The following LAGE3 variants were observed in gnomAD, a reference collection of about 807,000 sequenced individuals.
LAGE3 encodes the protein L antigen family member 3.
In LAGE3, 2 loss-of-function variants were observed where a neutral mutation model predicts 4.4. That is an observed-to-expected ratio of 0.46 (90% CI 0.19 to 1.44). The LOEUF (loss-of-function observed/expected upper bound fraction) is 1.44, where lower values mean the gene tolerates loss of function less well. Among genes scored for constraint, LAGE3 ranks in the 40% most tolerant of loss-of-function variants. The probability of loss-of-function intolerance (pLI) is 0.26; values close to 1 mark genes in which losing one functional copy is unlikely to be tolerated. For missense variants in LAGE3, 152 were observed against 138.1 expected (o/e 1.10, Z -0.51); for synonymous variants, 79 against 60.0 (o/e 1.32, Z -1.47).
In LAGE3 at chrX:154,479,257, C is replaced by G. The variant is rs1557211563; in HGVS notation, c.-342G>C. ...GGGCTTTTGAAGACACCGTGGTCGC[C>G]TATCCCAGAGGCGCACCCCGCGAGG... is the stretch of plus-strand genomic sequence containing the variant. On this transcript the variant is annotated 5_prime_UTR_variant, in exon 1 of 3. Coordinates refer to ENST00000357360, the MANE Select transcript of LAGE3 (RefSeq NM_006014.5). 5.0e-6 allele frequency: 1 copy of G among 199,416 alleles called. No individual in the cohort carries two copies. Among genetic ancestry groups the G allele is most frequent in the East Asian group, 8.6e-5 (1 of 11,581 alleles). 16.4% of individuals were successfully genotyped at this position (199,416 alleles called of 1,213,427 possible).
At position 154,478,746 on chromosome X, in the gene LAGE3, C is replaced by A; in HGVS notation, c.170G>T (p.Arg57Leu). Residue 57 changes from arginine to leucine, a missense_variant, in exon 1 of 3, where the codon CGA (arginine) becomes CTA (leucine). Arg to Leu is a moderately radical substitution (Grantham distance 102). Coordinates refer to ENST00000357360, the MANE Select transcript of LAGE3 (RefSeq NM_006014.5). Reference protein sequence around the residue: ...RDAASAARGSRMRPHIFTLSV... With the variant: ...RDAASAARGSLMRPHIFTLSV... ...AGGATACAATATGTGCGGCCGCATT[C>A]GTGACCCCCTGGCCGCAGACGCGGC... The A allele has an allele frequency of 9.1e-7, 1 of 1,099,556 alleles. No individual in the cohort carries two copies. Among genetic ancestry groups the A allele is most frequent in the Non-Finnish European group, 1.2e-6 (1 of 850,192 alleles). 90.6% of individuals were successfully genotyped at this position (1,099,556 alleles called of 1,213,427 possible). A position where few individuals can be genotyped will look rare whatever the true frequency, so the allele number is the denominator to read the frequency against.
Position 154,478,856 on chromosome X carries a change from G to A in LAGE3, c.60C>T (p.Gly20=). Residue 20 remains glycine (G), a synonymous_variant, in exon 1 of 3, where the codon GGC becomes GGT. Transcript: ENST00000357360. ...TGTCCACGCCCCCGCGGCAGCTGTG[G>A]CCACCCCGGCCATCCCCGCCGTCAG... ...GGADGGDGRG[G]HSCRGGVDTA... is the part of the protein sequence containing the mutation. 2.9e-6 allele frequency: 3 copies of A among 1,024,450 alleles called. No individual in the cohort carries two copies. The highest frequency in any genetic ancestry group is 5.1e-5 in the Admixed American group (1 of 19,608). 84.4% of individuals were successfully genotyped at this position (1,024,450 alleles called of 1,213,427 possible).
rs190210772 is a variant in LAGE3, at chrX:154,477,985, C to T, written c.391G>A (p.Val131Met). The T allele has an allele frequency of 2.2e-4, 270 of 1,210,988 alleles. 1 individual carries two copies. The East Asian group carries it at 5.6e-3, about 25-fold the overall frequency. ...INFLDQLSLV[V>M]RTMQRFGPPV... is the part of the protein sequence containing the mutation. ...GGCCCAAAGCGCTGCATGGTCCGCA[C>T]CACCAGGGAAAGCTGGTCAAGAAAG... is the stretch of plus-strand genomic sequence containing the variant. Residue 131 changes from valine (V) to methionine (M), a missense_variant, in exon 3 of 3, where the codon GTG becomes ATG. Physicochemically the swap from Val to Met is conservative, Grantham distance 21. Transcript: ENST00000357360.
Position 154,477,945 on chromosome X carries a change from T to C in LAGE3, c.431A>G (p.Ter144=), listed in dbSNP as rs782596808. 7 of 1,207,922 alleles carry C rather than the reference T, an allele frequency of 5.8e-6. No individual in the cohort carries two copies. The Admixed American group carries it at 1.3e-4, about 23-fold the overall frequency. ...TCGCTCCATTTGCCCAGGCCAGGCTTAGCGGGAAACGGGGGGCCCAAAGCG... is the reference window on the plus strand; with the variant it reads ...TCGCTCCATTTGCCCAGGCCAGGCTCAGCGGGAAACGGGGGGCCCAAAGCG... ...MQRFGPPVSR[*] The change falls in exon 3 of 3, where the codon TAA becomes TGA. Residue 144 remains the stop codon, a stop_retained_variant. Transcript: ENST00000357360.
Position 154,478,935 on chromosome X carries a change from C to G in LAGE3, c.-20G>C. ...CCGCATGACCGCCGCCGCGCCGCTCCGACTCCACCCCCGAAGCGCAGGTCC... is the reference window on the plus strand; with the variant it reads ...CCGCATGACCGCCGCCGCGCCGCTCGGACTCCACCCCCGAAGCGCAGGTCC... On this transcript the variant is annotated 5_prime_UTR_variant, in exon 1 of 3. Coordinates refer to ENST00000357360, the MANE Select transcript of LAGE3 (RefSeq NM_006014.5). The G allele has an allele frequency of 1.2e-6, 1 of 843,692 alleles. No individual in the cohort carries two copies. Among genetic ancestry groups the G allele is most frequent in the Admixed American group, 5.7e-5 (1 of 17,461 alleles). The allele number at this position is 843,692 out of a possible 1,213,427, so 69.5% of individuals were successfully genotyped here.
chrX:154,478,486 C>T, intron 1 of LAGE3, 75 bp from the exon 2 acceptor site: 1 of 1,112,618 alleles, frequency 9.0e-7, no homozygotes, highest in Non-Finnish European at 1.2e-6. Flanking sequence ...CCTCTGAAGC[C>T]CCCTCTCAGG....
rs1557211329 is a variant in LAGE3 at position 154,478,371 on chromosome X, T to C, written c.229A>G (p.Ile77Val). 8.3e-7 allele frequency: 1 copy of C among 1,203,487 alleles called. No homozygotes were observed. The highest frequency in any genetic ancestry group is 3.0e-5 in the East Asian group (1 of 33,779). The change falls in exon 2 of 3, where the codon ATC becomes GTC. Residue 77 changes from isoleucine to valine, a missense_variant. By Grantham distance (29) the Ile-to-Val change is conservative. Coordinates refer to ENST00000357360, the MANE Select transcript of LAGE3 (RefSeq NM_006014.5). ...VPFPTPLEAEIAHGSLAPDAE... is the reference protein window; with the variant it reads ...VPFPTPLEAEVAHGSLAPDAE... ...TCTGGTGCCAGGGACCCATGGGCGATTTCCGCCTCCAAGGGGGTCGGGAAA... is the reference window on the plus strand; with the variant it reads ...TCTGGTGCCAGGGACCCATGGGCGACTTCCGCCTCCAAGGGGGTCGGGAAA...
rs2069257630 is a variant in LAGE3, at chrX:154,479,022, A to G, written c.-107T>C. ...CCGCCCCCTGCGCACGACTCCGCCC[A>G]CACGCGCCTGCGCAGGTCCCTGGAG... On this transcript the variant is annotated 5_prime_UTR_variant, in exon 1 of 3. Transcript: ENST00000357360. 5.1e-6 allele frequency: 2 copies of G among 389,567 alleles called. No individual in the cohort carries two copies. Among genetic ancestry groups the G allele is most frequent in the East Asian group, 4.7e-5 (1 of 21,138 alleles). The allele number at this position is 389,567 out of a possible 1,213,427, so 32.1% of individuals were successfully genotyped here.
intron 1 of LAGE3, 73 bp downstream of exon 1, chrX:154,478,655 C>T: frequency 2.2e-6 from 2 of 921,065 alleles, no homozygotes; most frequent in Non-Finnish European, 2.8e-6. Flanking sequence ...CGGCCCCCCG[C>T]CCGCCCTCCT....
rs1395053782 is a variant in LAGE3 at position 154,479,193 on chromosome X, A to T, written c.-278T>A. 2 of 265,710 alleles carry T rather than the reference A, an allele frequency of 7.5e-6. No homozygotes were observed. The highest frequency in any genetic ancestry group is 5.6e-5 in the African/African-American group (2 of 35,743). 21.9% of individuals were successfully genotyped at this position (265,710 alleles called of 1,213,427 possible). A position where few individuals can be genotyped will look rare whatever the true frequency, so the allele number is the denominator to read the frequency against. ...GATTCCAGAGCGCTGGTGCAAACTG[A>T]CCCACAGTCGGTCCGGCCCCAGGAA... is the stretch of plus-strand genomic sequence containing the variant. On this transcript the variant is annotated 5_prime_UTR_variant, in exon 1 of 3. Coordinates refer to ENST00000357360, the MANE Select transcript of LAGE3 (RefSeq NM_006014.5).
chrX:154,478,592 AC>A (rs2148261354), intron 1 of LAGE3, 135 bp downstream of exon 1: 1 of 946,536 alleles, frequency 1.1e-6, no homozygotes, highest in African/African-American at 2.1e-5. Context: ...CCCTCCTCCG[AC>A]CACCTCTGAC....
rs11538409 is a variant in LAGE3, at chrX:154,478,737, G to A, written c.179C>T (p.Pro60Leu). Residue 60 changes from proline to leucine, a missense_variant, in exon 1 of 3, where the codon CCG becomes CTG. Coordinates refer to ENST00000357360, the MANE Select transcript of LAGE3 (RefSeq NM_006014.5). Reference sequence around the variant, plus strand: ...AGCTCGGAAAGGATACAATATGTGCGGCCGCATTCGTGACCCCCTGGCCGC... The same window carrying A: ...AGCTCGGAAAGGATACAATATGTGCAGCCGCATTCGTGACCCCCTGGCCGC... ...ASAARGSRMRPHIFTLSVPFP... is the reference protein window; with the variant it reads ...ASAARGSRMRLHIFTLSVPFP... 2.5e-3 allele frequency: 2,713 copies of A among 1,093,972 alleles called. 5 individuals carry two copies. The highest frequency in any genetic ancestry group is 2.9e-3 in the Non-Finnish European group (2,492 of 847,681). The allele number at this position is 1,093,972 out of a possible 1,213,427, so 90.2% of individuals were successfully genotyped here. A position where few individuals can be genotyped will look rare whatever the true frequency, so the allele number is the denominator to read the frequency against.
At chrX:154,478,129 AC>A in intron 2 of LAGE3, 71 bp from the exon 3 acceptor site, 2 of 1,099,811 alleles carry the variant, frequency 1.8e-6, no homozygotes, top group Non-Finnish European at 2.5e-6. Flanking sequence ...CCCCTCAGGC[AC>A]CCAATATAGC....
Position 154,477,854 on chromosome X carries a change from A to G in LAGE3, c.*90T>C. 1 of 658,879 alleles carries G rather than the reference A, an allele frequency of 1.5e-6. No individual in the cohort carries two copies. The highest frequency in any genetic ancestry group is 2.4e-6 in the Non-Finnish European group (1 of 414,625). 54.3% of individuals were successfully genotyped at this position (658,879 alleles called of 1,213,427 possible). On this transcript the variant is annotated 3_prime_UTR_variant, in exon 3 of 3. Transcript: ENST00000357360. The stretch of plus-strand genomic sequence containing the variant: ...ATGAGGCCCTCCCAGGAAAGTAGCA[A>G]CTGTGGGAATTCCTGCCCTAGGGAA...
Position 154,478,856 on chromosome X carries a change from G to T in LAGE3, c.60C>A (p.Gly20=), listed in dbSNP as rs781861801. The change falls in exon 1 of 3, where the codon GGC becomes GGA. Residue 20 remains glycine, a synonymous_variant. Transcript: ENST00000357360. ...GGADGGDGRG[G]HSCRGGVDTA... ...TGTCCACGCCCCCGCGGCAGCTGTGGCCACCCCGGCCATCCCCGCCGTCAG... is the reference window on the plus strand; with the variant it reads ...TGTCCACGCCCCCGCGGCAGCTGTGTCCACCCCGGCCATCCCCGCCGTCAG... 25 of 1,023,526 alleles carry T rather than the reference G, an allele frequency of 2.4e-5. No individual in the cohort carries two copies. In the South Asian group the frequency reaches 7.4e-4, roughly 30 times the overall value. The allele number at this position is 1,023,526 out of a possible 1,213,427, so 84.4% of individuals were successfully genotyped here. A position where few individuals can be genotyped will look rare whatever the true frequency, so the allele number is the denominator to read the frequency against.
chrX:154,478,462 C>T lies in LAGE3; in HGVS notation c.189-51G>A, dbSNP rs781872781. On this transcript the variant is annotated intron_variant, in intron 1 of 2. Coordinates refer to ENST00000357360, the MANE Select transcript of LAGE3 (RefSeq NM_006014.5). The stretch of plus-strand genomic sequence containing the variant: ...ATCTGATACGATCTTGCCTATGTCT[C>T]AGGCCTTCTTGCTCCTCTGAAGCCC... The T allele has an allele frequency of 1.2e-5, 14 of 1,146,076 alleles. 1 individual carries two copies. The South Asian group carries it at 1.2e-4, about 10-fold the overall frequency. 94.4% of individuals were successfully genotyped at this position (1,146,076 alleles called of 1,213,427 possible). A position where few individuals can be genotyped will look rare whatever the true frequency, so the allele number is the denominator to read the frequency against.
rs782164177 is a variant in LAGE3, at chrX:154,478,350, G to A, written c.250C>T (p.Pro84Ser). Residue 84 changes from proline to serine, a missense_variant, in exon 2 of 3, where the codon CCA becomes TCA. By Grantham distance (74) the Pro-to-Ser change is moderately conservative. Transcript: ENST00000357360. ...ACCCTTTGGTGGGGCTCGGCATCTGGTGCCAGGGACCCATGGGCGATTTCC... is the reference window on the plus strand; with the variant it reads ...ACCCTTTGGTGGGGCTCGGCATCTGATGCCAGGGACCCATGGGCGATTTCC... ...EAEIAHGSLAPDAEPHQRVVG... is the reference protein window; with the variant it reads ...EAEIAHGSLASDAEPHQRVVG... The A allele has an allele frequency of 5.8e-6, 7 of 1,208,337 alleles. No homozygotes were observed. The South Asian group carries it at 7.1e-5, about 12-fold the overall frequency.
At chrX:154,478,242 C>T in intron 2 of LAGE3, 41 bp downstream of exon 2, 1 of 1,203,260 alleles carries the variant, frequency 8.3e-7, no homozygotes. Flanking sequence ...CCCATGTCTC[C>T]ATGGGCCGCC....
intron 1 of LAGE3, 110 bp downstream of exon 1, chrX:154,478,618 C>G (rs1352508977): frequency 6.4e-6 from 6 of 942,336 alleles, no homozygotes; most frequent in Non-Finnish European, 8.2e-6. Context: ...TACGCCAGCC[C>G]CGGTCCCCCC....
Sources: gnomAD v4.1 joint callset for allele counts on GRCh38, gnomAD v4.1.1 for gene constraint, MANE v1.5 for transcripts, NCBI Gene and HGNC (gene_info 2026-07-23, HGNC 2026-07-21) for gene names.